The following CLPB variants were observed in gnomAD, a reference collection of about 807,000 sequenced individuals.
CLPB encodes the protein ClpB family mitochondrial disaggregase.
Under a neutral mutation model 78.4 loss-of-function variants are expected in CLPB, and 40 were observed. That is an observed-to-expected ratio of 0.51 (90% CI 0.40 to 0.66). The LOEUF is 0.66. Among genes scored for constraint, CLPB ranks in the 30% least tolerant of loss-of-function variants. CLPB has a pLI of 0.00. For missense variants in CLPB, 780 were observed against 886.9 expected (o/e 0.88, Z 1.53); for synonymous variants, 333 against 348.0 (o/e 0.96, Z 0.48).
intron 4 of CLPB, chr11:72,363,693 G>GTT (rs1950885485): frequency 6.6e-6 from 1 of 152,294 alleles, no homozygotes; most frequent in East Asian, 1.9e-4. Flanking sequence ...GCTTAAAGAG[G>GTT]TTAGGTGGCC....
intron 5 of CLPB, among the ~76,000 whole-genome samples, chr11:72,358,174 C>T (rs558474499): frequency 6.6e-6 from 1 of 152,270 alleles, no homozygotes; most frequent in African/African-American, 2.4e-5. Flanking sequence ...TTTTGTCTCT[C>T]CAATTAACTG....
intron 3 of CLPB, among the ~76,000 whole-genome samples, chr11:72,387,028 G>A (rs1033030845): frequency 2.6e-5 from 4 of 152,142 alleles, no homozygotes; most frequent in African/African-American, 9.7e-5. Flanking sequence ...GAAGTAGTAT[G>A]GCACAGAAAT....
chr11:72,424,754 C>T lies in CLPB; in HGVS notation c.455+5558G>A, dbSNP rs543452639. 3.0e-3 allele frequency among the ~76,000 whole-genome samples: 461 copies of T among 152,224 alleles called. 3 individuals carry two copies. Among genetic ancestry groups the T allele is most frequent in the African/African-American group, 9.2e-3 (383 of 41,544 alleles). On this transcript the variant is annotated intron_variant, in intron 2 of 15. Transcript: ENST00000538039. Reference sequence around the variant, plus strand: ...ACAAAAAATTAGCCGGGCGCGTTGGCGGGCACCTGTAGTCCCAGCTACTCG... The same window carrying T: ...ACAAAAAATTAGCCGGGCGCGTTGGTGGGCACCTGTAGTCCCAGCTACTCG...
chr11:72,295,755 T>A, intron 11 of CLPB, 107 bp from the exon 12 acceptor site: 1 of 1,106,676 alleles, frequency 9.0e-7, no homozygotes, highest in South Asian at 1.5e-5. Flanking sequence ...GAGCCCTGTG[T>A]CTCCCTCCAG....
At chr11:72,340,208 T>C (rs976258179) in intron 5 of CLPB, among the ~76,000 whole-genome samples, 1 of 152,190 alleles carries the variant, frequency 6.6e-6, no homozygotes, top group African/African-American at 2.4e-5. Flanking sequence ...AGGGATATGA[T>C]TGGATTTTAA....
At chr11:72,362,292 T>C (rs1357513981) in intron 4 of CLPB, among the ~76,000 whole-genome samples, 1 of 152,216 alleles carries the variant, frequency 6.6e-6, no homozygotes, top group East Asian at 1.9e-4. Context: ...AATTCTAGTA[T>C]TTATTACATT....
intron 2 of CLPB, among the ~76,000 whole-genome samples, chr11:72,424,072 A>G (rs1856290361): frequency 6.6e-6 from 1 of 152,276 alleles, no homozygotes; most frequent in South Asian, 2.1e-4. Context: ...ATTCTGTTAT[A>G]GCAGCCCAAA....
intron 6 of CLPB, among the ~76,000 whole-genome samples, chr11:72,318,998 G>A (rs184196502): frequency 3.9e-5 from 6 of 152,308 alleles, no homozygotes; most frequent in Admixed American, 1.3e-4. Flanking sequence ...ACTTGCAGTC[G>A]GGCAGGCCAT....
chr11:72,378,095 A>T (rs1854776311), intron 4 of CLPB, among the ~76,000 whole-genome samples: 1 of 152,230 alleles, frequency 6.6e-6, no homozygotes, highest in Non-Finnish European at 1.5e-5. Flanking sequence ...TCAGTGTGAC[A>T]GCAGAAGTTG....
chr11:72,413,786 C>G (rs1484353572), intron 2 of CLPB, among the ~76,000 whole-genome samples: 2 of 151,946 alleles, frequency 1.3e-5, no homozygotes, highest in Non-Finnish European at 2.9e-5. Flanking sequence ...TGTAGAATAC[C>G]CTTCAATGTG....
At chr11:72,430,248 G>T in intron 2 of CLPB, 64 bp downstream of exon 2, 1 of 1,485,426 alleles carries the variant, frequency 6.7e-7, no homozygotes, top group Non-Finnish European at 9.3e-7. Context: ...GTCATCACAC[G>T]AGAAGAGGCT....
At chr11:72,367,655 C>G (rs1361873640) in intron 4 of CLPB, among the ~76,000 whole-genome samples, 1 of 152,172 alleles carries the variant, frequency 6.6e-6, no homozygotes, top group African/African-American at 2.4e-5. Flanking sequence ...CTATTGGATA[C>G]TATGCATAGT....
At chr11:72,379,447 T>C (rs1305344053) in intron 4 of CLPB, among the ~76,000 whole-genome samples, 1 of 152,158 alleles carries the variant, frequency 6.6e-6, no homozygotes, top group East Asian at 1.9e-4. Context: ...AGCAACCAGC[T>C]GTTTTTTTCA....
intron 3 of CLPB, among the ~76,000 whole-genome samples, chr11:72,398,133 T>C (rs758579636): frequency 2.0e-4 from 30 of 152,232 alleles, no homozygotes; most frequent in Non-Finnish European, 3.8e-4. Context: ...ACTCCATTGC[T>C]GGCCATTGTT....
At chr11:72,322,335 C>T (rs1950058814) in intron 6 of CLPB, among the ~76,000 whole-genome samples, 1 of 152,266 alleles carries the variant, frequency 6.6e-6, no homozygotes, top group South Asian at 2.1e-4. Context: ...AGAGACAAGA[C>T]TGATGAGAGA....
At chr11:72,397,261 G>A (rs1001525553) in intron 3 of CLPB, among the ~76,000 whole-genome samples, 4 of 152,052 alleles carry the variant, frequency 2.6e-5, no homozygotes, top group African/African-American at 7.2e-5. Flanking sequence ...ACAATTTGTT[G>A]GTCCATTCAC....
intron 2 of CLPB, among the ~76,000 whole-genome samples, chr11:72,418,872 A>G (rs1247590420): frequency 6.6e-6 from 1 of 150,910 alleles, no homozygotes; most frequent in African/African-American, 2.4e-5. Context: ...AAAAAAAAAA[A>G]GAAAAGAAAA....
At chr11:72,301,062 C>G (rs1949646401) in intron 11 of CLPB, among the ~76,000 whole-genome samples, 1 of 152,162 alleles carries the variant, frequency 6.6e-6, no homozygotes, top group South Asian at 2.1e-4. Flanking sequence ...GTTTCTTCAT[C>G]TGTAAAAAAT....
chr11:72,428,972 T>C (rs1413396936), intron 2 of CLPB: 1 of 152,202 alleles, frequency 6.6e-6, no homozygotes, highest in Non-Finnish European at 1.5e-5. Flanking sequence ...GCTCTGCAAA[T>C]GCCCTGCCAA....
Sources: gnomAD v4.1 joint callset for allele counts (sites outside exome capture counted in the v4.1 genomes callset) on GRCh38, gnomAD v4.1.1 for gene constraint, MANE v1.5 for transcripts, NCBI Gene and HGNC (gene_info 2026-07-23, HGNC 2026-07-21) for gene names.